Variants in CPPED1 observed in about 807,000 individuals in gnomAD.
CPPED1 encodes calcineurin like phosphoesterase domain containing 1.
A neutral mutation model predicts 28.0 loss-of-function variants in CPPED1; 28 were observed. The ratio of observed to expected loss-of-function variants is 1.00; its 90% CI spans 0.74 to 1.37. CPPED1 has a LOEUF of 1.37. Among genes scored for constraint, CPPED1 ranks in the 40% most tolerant of loss-of-function variants. The pLI is 0.00. For synonymous variants in CPPED1, 198 were observed against 180.2 expected (o/e 1.10, Z -0.79); for missense variants, 504 against 416.5 (o/e 1.21, Z -1.83).
chr16:12,791,271 T>C lies in CPPED1; in HGVS notation c.71-9868A>G, dbSNP rs1341973018. 3.3e-5 allele frequency among the ~76,000 whole-genome samples: 5 copies of C among 152,024 alleles called. No individual in the cohort carries two copies. In the East Asian group the frequency reaches 5.8e-4, roughly 18 times the overall value. On this transcript the variant is annotated intron_variant, in intron 1 of 3. Coordinates refer to ENST00000381774, the MANE Select transcript of CPPED1 (RefSeq NM_018340.3). ...TGATGTTCCCCTCCCTGTGTCCAAG[T>C]GTTCTCATTGTTCAACTCCTGCTTA...
In CPPED1 at chr16:12,709,334, G is replaced by C. The variant is rs2080067941; in HGVS notation, c.290-4285C>G. Among the ~76,000 whole-genome samples, 1 of 152,178 alleles carries C rather than the reference G, an allele frequency of 6.6e-6. No individual in the cohort carries two copies. The highest frequency in any genetic ancestry group is 1.5e-5 in the Non-Finnish European group (1 of 68,030). On this transcript the variant is annotated intron_variant, in intron 2 of 3. Transcript: ENST00000381774. The surrounding 1 kb of genome is among the most constrained non-coding windows in gnomAD (Gnocchi z 4.4). ...AGAAGGATTGTTCTGGGGTCTCCAA[G>C]GTGGATAAGAGGTATCTGCTGAGAA...
chr16:12,800,912 G>A (rs1055712043), intron 1 of CPPED1, among the ~76,000 whole-genome samples: 13 of 152,168 alleles, frequency 8.5e-5, no homozygotes, highest in African/African-American at 2.9e-4. Context: ...GAAACCCTGC[G>A]TGAATGACCT....
At chr16:12,768,867 CTTTT>C (rs35322378) in intron 2 of CPPED1, among the ~76,000 whole-genome samples, 3 of 138,042 alleles carry the variant, frequency 2.2e-5, no homozygotes, top group Admixed American at 7.4e-5. Context: ...TTTTCTTTTT[CTTTT>C]TTTTTTTTTT....
chr16:12,684,092 C>T (rs903658863), intron 3 of CPPED1, among the ~76,000 whole-genome samples: 1 of 152,214 alleles, frequency 6.6e-6, no homozygotes, highest in Non-Finnish European at 1.5e-5. Flanking sequence ...CAGCCACACA[C>T]AGCTGCATGG....
At chr16:12,760,697 C>G (rs1359917139) in intron 2 of CPPED1, 1 of 152,170 alleles carries the variant, frequency 6.6e-6, no homozygotes, top group African/African-American at 2.4e-5. Flanking sequence ...AGATCAGGGA[C>G]TCTGGGGACA....
At chr16:12,729,333 G>A (rs1274427997) in intron 2 of CPPED1, among the ~76,000 whole-genome samples, 2 of 152,120 alleles carry the variant, frequency 1.3e-5, no homozygotes, top group African/African-American at 4.8e-5. Context: ...CAAGGTTTAA[G>A]GTTAAGACGT....
chr16:12,755,281 CTTT>C (rs35135598), intron 2 of CPPED1, among the ~76,000 whole-genome samples: 3 of 128,786 alleles, frequency 2.3e-5, no homozygotes, highest in Admixed American at 8.3e-5. Flanking sequence ...AGTATGCATT[CTTT>C]TTTTTTTTTT....
Position 12,704,679 on chromosome 16 carries a change from G to A in CPPED1, c.660C>T (p.Tyr220=), listed in dbSNP as rs2080038557. 4 of 1,614,100 alleles carry A rather than the reference G, an allele frequency of 2.5e-6. No individual in the cohort carries two copies. The highest frequency in any genetic ancestry group is 2.7e-5 in the African/African-American group (2 of 74,946). ...TCCGAGTGGACTTGCTGAGGTTGAA[G>A]TAGTAGTCGTCGTCCTCGTCGATGC... ...LESIDEDDDY[Y]FNLSKSTRKK... The change falls in exon 3 of 4, where the codon TAC becomes TAT. Residue 220 remains tyrosine, a synonymous_variant. Coordinates refer to ENST00000381774, the MANE Select transcript of CPPED1 (RefSeq NM_018340.3).
intron 3 of CPPED1, among the ~76,000 whole-genome samples, chr16:12,694,349 T>C (rs1201021202): frequency 1.3e-5 from 2 of 152,206 alleles, no homozygotes; most frequent in Admixed American, 6.5e-5. Flanking sequence ...TGGATAAACG[T>C]TGATTTAACT....
intron 1 of CPPED1, among the ~76,000 whole-genome samples, chr16:12,784,299 T>C (rs907340455): frequency 1.3e-5 from 2 of 150,182 alleles, no homozygotes; most frequent in African/African-American, 4.8e-5. Context: ...CACTCCTCTG[T>C]TGAGCTTTCA....
At chr16:12,705,677 G>C (rs972130008) in intron 2 of CPPED1, among the ~76,000 whole-genome samples, 1 of 152,184 alleles carries the variant, frequency 6.6e-6, no homozygotes, top group African/African-American at 2.4e-5. Context: ...AGAATCGCTT[G>C]AACTCGGGAG....
intron 3 of CPPED1, among the ~76,000 whole-genome samples, chr16:12,693,151 G>A (rs2079972132): frequency 6.6e-6 from 1 of 152,156 alleles, no homozygotes; most frequent in Admixed American, 6.6e-5. Context: ...CACCTTTAAG[G>A]TCCTGATAGA....
chr16:12,675,870 G>T (rs921744017), intron 3 of CPPED1, among the ~76,000 whole-genome samples: 1 of 152,204 alleles, frequency 6.6e-6, no homozygotes, highest in African/African-American at 2.4e-5. Flanking sequence ...AAAAGGTTGG[G>T]TGTGAATGTA....
chr16:12,786,830 T>G (rs1346188220), intron 1 of CPPED1, among the ~76,000 whole-genome samples: 1 of 152,300 alleles, frequency 6.6e-6, no homozygotes, highest in Non-Finnish European at 1.5e-5. Context: ...GGAGAATCTC[T>G]TGAACTGGGA....
At chr16:12,746,877 G>A (rs932152843) in intron 2 of CPPED1, among the ~76,000 whole-genome samples, 15 of 151,902 alleles carry the variant, frequency 9.9e-5, no homozygotes, top group Non-Finnish European at 1.3e-4. Context: ...ATGCAACCTC[G>A]AAAATGCTAC....
intron 2 of CPPED1, among the ~76,000 whole-genome samples, chr16:12,719,353 T>C (rs1427755325): frequency 6.7e-6 from 1 of 148,626 alleles, no homozygotes; most frequent in African/African-American, 2.5e-5. Context: ...ATAGCGCCAC[T>C]GCATGCTGGC....
chr16:12,795,664 CA>C (rs1184141241), intron 1 of CPPED1, among the ~76,000 whole-genome samples: 11 of 152,220 alleles, frequency 7.2e-5, no homozygotes, highest in African/African-American at 2.7e-4. Flanking sequence ...GTTTGATCAA[CA>C]CCTTGGTCTC....
Position 12,670,934 on chromosome 16 carries a change from T to C in CPPED1, c.716-5819A>G, listed in dbSNP as rs1250088916. 6.6e-6 allele frequency among the ~76,000 whole-genome samples: 1 copy of C among 152,156 alleles called. No homozygotes were observed. Among genetic ancestry groups the C allele is most frequent in the Non-Finnish European group, 1.5e-5 (1 of 68,032 alleles). ...GGTGCGATCTCGGCTCACTGCAAACTCCGCCTCCCGGGTTCAAGTGATTCT... is the reference window on the plus strand; with the variant it reads ...GGTGCGATCTCGGCTCACTGCAAACCCCGCCTCCCGGGTTCAAGTGATTCT... On this transcript the variant is annotated intron_variant, in intron 3 of 3. Transcript: ENST00000381774. This position sits in a 1 kb window ranked among gnomAD's most constrained non-coding sequence, Gnocchi z 4.2.
intron 2 of CPPED1, among the ~76,000 whole-genome samples, chr16:12,743,394 G>A (rs2080266484): frequency 1.3e-5 from 2 of 152,100 alleles, no homozygotes; most frequent in South Asian, 4.1e-4. Context: ...AAATACAGTA[G>A]ACTATCTTTA....
Sources: allele counts gnomAD v4.1 joint callset (sites outside exome capture counted in the v4.1 genomes callset), GRCh38; gene constraint gnomAD v4.1.1; non-coding constraint Gnocchi (gnomAD v3.1); transcripts MANE v1.5; gene names NCBI Gene and HGNC (gene_info 2026-07-23, HGNC 2026-07-21).